MDN1: variants seen among roughly 807,000 people sequenced by gnomAD.
MDN1 encodes midasin.
Under a neutral mutation model 669.2 loss-of-function variants are expected in MDN1, and 266 were observed. The ratio of observed to expected loss-of-function variants is 0.40; its 90% confidence interval spans 0.36 to 0.44. The LOEUF is 0.44. Ranked by LOEUF, MDN1 falls within the 20% of genes least tolerant of loss-of-function variation. MDN1 has a pLI of 1.00. For synonymous variants in MDN1, 2,385 were observed against 2,457.1 expected (o/e 0.97, Z 0.87); for missense variants, 5,940 against 6,754.0 (o/e 0.88, Z 4.22).
At position 89,646,525 on chromosome 6, in the gene MDN1, A is replaced by G; in HGVS notation, c.16459+15T>C. On this transcript the variant is annotated intron_variant, in intron 100 of 101. Transcript: ENST00000369393. ...GAAAGCATTTTGTTAATGAAGAGGA[A>G]GGCATGCAGCTCACCTGAACTGATG... The G allele has an allele frequency of 6.2e-7, 1 of 1,612,220 alleles. No homozygotes were observed. The highest frequency in any genetic ancestry group is 8.5e-7 in the Non-Finnish European group (1 of 1,178,404).
chr6:89,740,083 A>T, intron 32 of MDN1, 151 bp downstream of exon 32: 1 of 853,606 alleles, frequency 1.2e-6, no homozygotes, highest in Non-Finnish European at 1.7e-6. Flanking sequence ...CTAACCCAAT[A>T]ATTATTTTAA....
Position 89,658,871 on chromosome 6 carries a change from A to G in MDN1, c.14760T>C (p.His4920=). 1 of 1,613,648 alleles carries G rather than the reference A, an allele frequency of 6.2e-7. No homozygotes were observed. Among genetic ancestry groups the G allele is most frequent in the Non-Finnish European group, 8.5e-7 (1 of 1,179,932 alleles). ...CGGTCTCTCCTCTTTCCTCAGCTTC[A>G]TGACCTGCTTCTTCTGGTTTTTCTT... ...EIKEKPEEAG[H]EAEERGETET... Residue 4920 remains histidine, a synonymous_variant, in exon 89 of 102, where the codon CAT becomes CAC. Coordinates refer to ENST00000369393, the MANE Select transcript of MDN1 (RefSeq NM_014611.3).
Position 89,695,865 on chromosome 6 carries a change from G to T in MDN1, c.9511C>A (p.Gln3171Lys), listed in dbSNP as rs1179853241. The T allele has an allele frequency of 6.2e-7, 1 of 1,613,540 alleles. No individual in the cohort carries two copies. The highest frequency in any genetic ancestry group is 8.5e-7 in the Non-Finnish European group (1 of 1,180,026). Reference protein sequence around the residue: ...NCEQLLLGSSQAFQHVGQTLG... With the variant: ...NCEQLLLGSSKAFQHVGQTLG... Reference sequence around the variant, plus strand: ...GTCTGGCCCACATGCTGGAAGGCCTGGCTGCTCCCAAGCAGCAGCTGCTCA... The same window carrying T: ...GTCTGGCCCACATGCTGGAAGGCCTTGCTGCTCCCAAGCAGCAGCTGCTCA... Residue 3171 changes from glutamine to lysine, a missense_variant, in exon 61 of 102, where the codon CAG (glutamine) becomes AAG (lysine). This residue lies in a region of MDN1 where 2,292 missense variants were observed against 2,638.3 expected (regional missense o/e 0.87). Coordinates refer to ENST00000369393, the MANE Select transcript of MDN1 (RefSeq NM_014611.3). This position sits in a 1 kb window ranked among gnomAD's most constrained non-coding sequence, Gnocchi z 4.1.
chr6:89,738,967 C>A (rs539634131), intron 32 of MDN1, among the ~76,000 whole-genome samples: 5 of 152,214 alleles, frequency 3.3e-5, no homozygotes, highest in Non-Finnish European at 7.3e-5. Flanking sequence ...AGTCTTAGGG[C>A]CTTTGCCCCT....
intron 72 of MDN1, 101 bp from the exon 73 acceptor site, chr6:89,683,431 C>T (rs1301180398): frequency 1.1e-6 from 1 of 906,544 alleles, no homozygotes; most frequent in African/African-American, 1.7e-5. Flanking sequence ...AATCTAATAC[C>T]CTGTACCTTT....
At chr6:89,684,153 G>A (rs549681715) in intron 71 of MDN1, among the ~76,000 whole-genome samples, 51 of 152,228 alleles carry the variant, frequency 3.4e-4, no homozygotes, top group South Asian at 3.1e-3. Context: ...GACCATCCTG[G>A]CCAACATGGT....
At position 89,676,216 on chromosome 6, in the gene MDN1, G is replaced by T; in HGVS notation, c.12540-9C>A. 6.2e-7 allele frequency: 1 copy of T among 1,612,244 alleles called. No homozygotes were observed. The highest frequency in any genetic ancestry group is 8.5e-7 in the Non-Finnish European group (1 of 1,178,272). ...AGATTTCTGTAAGCAGCCTGGAAAA[G>T]ATATCAACATTGTTTACTTAATTAA... On this transcript the variant is annotated splice_polypyrimidine_tract_variant and intron_variant, in intron 76 of 101. Transcript: ENST00000369393.
At chr6:89,714,841 C>G in intron 45 of MDN1, 90 bp from the exon 46 acceptor site, 1 of 1,008,242 alleles carries the variant, frequency 9.9e-7, no homozygotes, top group Non-Finnish European at 1.4e-6. Flanking sequence ...AGGGCAAATC[C>G]TATGTGGCTC....
intron 40 of MDN1, among the ~76,000 whole-genome samples, chr6:89,719,819 C>T (rs796076653): frequency 6.6e-6 from 1 of 152,186 alleles, no homozygotes; most frequent in Non-Finnish European, 1.5e-5. Flanking sequence ...TCCCTCCAAA[C>T]ATTTATGTAG....
Position 89,661,575 on chromosome 6 carries a change from C to A in MDN1, c.14569G>T (p.Asp4857Tyr). Residue 4857 changes from aspartate (D) to tyrosine (Y), a missense_variant, in exon 88 of 102, where the codon GAC becomes TAC. By Grantham distance (160) the Asp-to-Tyr change is radical. Coordinates refer to ENST00000369393, the MANE Select transcript of MDN1 (RefSeq NM_014611.3). ...DKINEQIDER[D>Y]YDENEVDPYH... ...GGGTCCACCTCATTTTCATCATAGT[C>A]CCTCTTTGGGACAATGGAGACAACA... 6.2e-7 allele frequency: 1 copy of A among 1,613,616 alleles called. No individual in the cohort carries two copies. The highest frequency in any genetic ancestry group is 1.1e-5 in the South Asian group (1 of 90,914).
At position 89,723,013 on chromosome 6, in the gene MDN1, C is replaced by A. The variant is rs1163840455; in HGVS notation, c.5909G>T (p.Gly1970Val). Residue 1970 changes from glycine to valine, a missense_variant, in exon 40 of 102, where the codon GGT becomes GTT. Around this residue, in one of 5 missense-constraint regions of MDN1, gnomAD observed 2,292 missense variants for 2,638.3 expected, o/e 0.87. Transcript: ENST00000369393. ...ACCATAGACCAAAAACACATGCTGACCAGGATCATAACACCCAGGGGACTG... is the reference window on the plus strand; with the variant it reads ...ACCATAGACCAAAAACACATGCTGAACAGGATCATAACACCCAGGGGACTG... ...VDQSPGCYDP[G>V]QHVFLVYGER... 1 of 1,614,042 alleles carries A rather than the reference C, an allele frequency of 6.2e-7. No homozygotes were observed. Among genetic ancestry groups the A allele is most frequent in the South Asian group, 1.1e-5 (1 of 91,076 alleles).
In MDN1 at chr6:89,730,807, T is replaced by C. The variant is rs1038512535; in HGVS notation, c.5059A>G (p.Lys1687Glu). ...RLTEYQKNELKIYDRMKAKEF... is the reference protein window; with the variant it reads ...RLTEYQKNELEIYDRMKAKEF... ...TTGGCCTTCATTCTGTCATAAATCT[T>C]CAACTCATTTTTCTGATATTCTGTA... The change falls in exon 35 of 102, where the codon AAG (lysine) becomes GAG (glutamate). Residue 1687 changes from lysine to glutamate, a missense_variant. Around this residue, in one of 5 missense-constraint regions of MDN1, gnomAD observed 2,292 missense variants for 2,638.3 expected, o/e 0.87. Coordinates refer to ENST00000369393, the MANE Select transcript of MDN1 (RefSeq NM_014611.3). 3.7e-6 allele frequency: 6 copies of C among 1,613,992 alleles called. No individual in the cohort carries two copies. Among genetic ancestry groups the C allele is most frequent in the Non-Finnish European group, 5.1e-6 (6 of 1,179,992 alleles).
At position 89,683,838 on chromosome 6, in the gene MDN1, T is replaced by C; in HGVS notation, c.11896A>G (p.Thr3966Ala). ...TTTTAAAAGATGGATTACCTGTGTG[T>C]CTTTTCTACAGATTGCTTAATGGAC... is the stretch of plus-strand genomic sequence containing the variant. The part of the protein sequence containing the change: ...FWSIKQSVEK[T>A]HRTLFKFMKK... Residue 3966 changes from threonine (T) to alanine (A), a missense_variant, in exon 72 of 102, where the codon ACA (threonine) becomes GCA (alanine). Coordinates refer to ENST00000369393, the MANE Select transcript of MDN1 (RefSeq NM_014611.3). 1 of 1,612,922 alleles carries C rather than the reference T, an allele frequency of 6.2e-7. No homozygotes were observed.
At chr6:89,760,078 A>AAAT (rs142454105) in intron 17 of MDN1, among the ~76,000 whole-genome samples, 1 of 151,874 alleles carries the variant, frequency 6.6e-6, no homozygotes, top group Admixed American at 6.6e-5. Context: ...TCTCAAAAAA[A>AAAT]AATAATAATA....
In MDN1 at chr6:89,727,941, C is replaced by A. The variant is rs763567322; in HGVS notation, c.5364G>T (p.Leu1788=). 6.2e-7 allele frequency: 1 copy of A among 1,613,660 alleles called. No homozygotes were observed. The highest frequency in any genetic ancestry group is 1.7e-5 in the Admixed American group (1 of 59,988). Residue 1788 remains leucine, a synonymous_variant, in exon 37 of 102, where the codon CTG becomes CTT. Coordinates refer to ENST00000369393, the MANE Select transcript of MDN1 (RefSeq NM_014611.3). ...CTTCAACAGGTAGATCTGCTCCAAA[C>A]AGGTCTGTGATGTCCTTTGAAAGGG... ...NLSEQTDITD[L]FGADLPVEGG...
At chr6:89,651,378 T>G (rs183263754) in intron 95 of MDN1, among the ~76,000 whole-genome samples, 1 of 149,746 alleles carries the variant, frequency 6.7e-6, no homozygotes, top group Non-Finnish European at 1.5e-5. Flanking sequence ...AATCAGCACT[T>G]TGGGAGGCCA....
chr6:89,732,477 G>C, intron 34 of MDN1, 80 bp downstream of exon 34: 1 of 1,185,910 alleles, frequency 8.4e-7, no homozygotes, highest in East Asian at 2.4e-5. Flanking sequence ...AAAATAGCTG[G>C]GTCAGAGGCC....
Position 89,725,413 on chromosome 6 carries a change from GTACATAAT to G in MDN1, c.5473-25_5473-18del, listed in dbSNP as rs752671847. On this transcript the variant is annotated intron_variant, in intron 37 of 101. Coordinates refer to ENST00000369393, the MANE Select transcript of MDN1 (RefSeq NM_014611.3). ...CAGGTTAAGCTATTTAAAGAAGAAA[GTACATAAT>G]TTGTCTCAAATATATTATACAACTG... The G allele has an allele frequency of 1.0e-5, 16 of 1,598,768 alleles. No homozygotes were observed. The highest frequency in any genetic ancestry group is 2.7e-5 in the African/African-American group (2 of 74,500).
In MDN1 at chr6:89,780,381, G is replaced by A. The variant is rs1199403024; in HGVS notation, c.1644-88C>T. ...CATCAGAATTTATTGACCCACTTAA[G>A]TCTGGGCATACCTGATAACTTTCTT... On this transcript the variant is annotated intron_variant, in intron 10 of 101. Transcript: ENST00000369393. 5.5e-6 allele frequency: 4 copies of A among 725,442 alleles called. No homozygotes were observed. The East Asian group carries it at 1.2e-4, about 22-fold the overall frequency. 44.9% of individuals were successfully genotyped at this position (725,442 alleles called of 1,614,324 possible). A position where few individuals can be genotyped will look rare whatever the true frequency, so the allele number is the denominator to read the frequency against.
Sources: allele counts gnomAD v4.1 joint callset (sites outside exome capture counted in the v4.1 genomes callset), GRCh38; gene constraint gnomAD v4.1.1; regional missense constraint gnomAD v4.1.1; non-coding constraint Gnocchi (gnomAD v3.1); transcripts MANE v1.5; gene names NCBI Gene and HGNC (gene_info 2026-07-23, HGNC 2026-07-21).